Variants in GRIA4 observed in about 807,000 individuals in gnomAD.
The protein encoded by GRIA4 is glutamate receptor 4.
A neutral mutation model predicts 104.0 loss-of-function variants in GRIA4; 34 were observed. The ratio of observed to expected loss-of-function variants is 0.33; its 90% confidence interval spans 0.25 to 0.44. The LOEUF (loss-of-function observed/expected upper bound fraction) is 0.44. GRIA4 is among the 20% of genes least tolerant of loss of function. The pLI is 1.00. For synonymous variants in GRIA4, 386 were observed against 381.9 expected (o/e 1.01, Z -0.13); for missense variants, 750 against 1,096.5 (o/e 0.68, Z 4.46).
At chr11:105,692,254 T>A (rs894105770) in intron 3 of GRIA4, among the ~76,000 whole-genome samples, 3 of 151,852 alleles carry the variant, frequency 2.0e-5, no homozygotes, top group African/African-American at 7.3e-5. Flanking sequence ...CCTCTTTTTT[T>A]TAAAAAAAAA....
At chr11:105,769,918 A>C (rs940345203) in intron 4 of GRIA4, among the ~76,000 whole-genome samples, 2 of 152,056 alleles carry the variant, frequency 1.3e-5, no homozygotes. Flanking sequence ...TTTTTCCCCT[A>C]ATTTAACTTA....
intron 3 of GRIA4, among the ~76,000 whole-genome samples, chr11:105,616,848 T>C (rs1950613299): frequency 6.6e-6 from 1 of 151,712 alleles, no homozygotes; most frequent in South Asian, 2.1e-4. Context: ...TAAGTTGATT[T>C]CAGATAATTC....
chr11:105,956,728 C>T (rs949567615), intron 14 of GRIA4, among the ~76,000 whole-genome samples: 26 of 152,088 alleles, frequency 1.7e-4, no homozygotes, highest in Admixed American at 7.9e-4. Flanking sequence ...CCATCAACAG[C>T]GTAAAAGTGT....
At chr11:105,884,545 G>GT (rs1011594742) in intron 5 of GRIA4, among the ~76,000 whole-genome samples, 1 of 152,258 alleles carries the variant, frequency 6.6e-6, no homozygotes, top group African/African-American at 2.4e-5. Context: ...CAGTACATTT[G>GT]TTTTTTTCCC....
At chr11:105,916,563 T>A (rs1007657654) in intron 10 of GRIA4, among the ~76,000 whole-genome samples, 1 of 152,248 alleles carries the variant, frequency 6.6e-6, no homozygotes, top group African/African-American at 2.4e-5. Flanking sequence ...CCCAGCAAAC[T>A]GACTGGCACA....
intron 3 of GRIA4, among the ~76,000 whole-genome samples, chr11:105,738,057 G>A (rs562084224): frequency 1.4e-4 from 20 of 145,770 alleles, no homozygotes; most frequent in Non-Finnish European, 1.8e-4. Flanking sequence ...CTGCCTGGAT[G>A]CCTCCCTCTC....
Position 105,918,812 on chromosome 11 carries a change from A to C in GRIA4, c.1370A>C (p.His457Pro). 6.2e-7 allele frequency: 1 copy of C among 1,601,222 alleles called. No individual in the cohort carries two copies. The highest frequency in any genetic ancestry group is 8.6e-7 in the Non-Finnish European group (1 of 1,168,638). ...GATTTGGCATCTGAAATTGCAAAAC[A>C]TATTGGTATCAAGTATAAAATTGCC... ...CVDLASEIAK[H>P]IGIKYKIAIV... Residue 457 changes from histidine (H) to proline (P), a missense_variant, in exon 11 of 17, where the codon CAT (histidine) becomes CCT (proline). His to Pro is a moderately conservative substitution (Grantham distance 77). Transcript: ENST00000282499.
intron 4 of GRIA4, among the ~76,000 whole-genome samples, chr11:105,827,106 C>T (rs1306769379): frequency 6.6e-6 from 1 of 151,998 alleles, no homozygotes; most frequent in African/African-American, 2.4e-5. Context: ...TTGTCAAGAA[C>T]TGTGATGGAT....
intron 3 of GRIA4, among the ~76,000 whole-genome samples, chr11:105,635,204 C>A (rs897802847): frequency 6.6e-6 from 1 of 151,766 alleles, no homozygotes; most frequent in Non-Finnish European, 1.5e-5. Context: ...TTTAATTTTC[C>A]TTGGAATACA....
At chr11:105,976,013 G>A (rs1858962736) in intron 16 of GRIA4, among the ~76,000 whole-genome samples, 1 of 151,950 alleles carries the variant, frequency 6.6e-6, no homozygotes, top group African/African-American at 2.4e-5. Flanking sequence ...CTACAAAGTG[G>A]GATAATATCA....
chr11:105,931,127 G>A (rs1947861345), intron 13 of GRIA4, among the ~76,000 whole-genome samples: 1 of 152,082 alleles, frequency 6.6e-6, no homozygotes, highest in African/African-American at 2.4e-5. Context: ...AATGAAGCAT[G>A]GCAACATGGC....
intron 3 of GRIA4, among the ~76,000 whole-genome samples, chr11:105,650,793 A>C (rs1476739888): frequency 6.6e-6 from 1 of 152,156 alleles, no homozygotes; most frequent in Non-Finnish European, 1.5e-5. Flanking sequence ...TTAGACTTTC[A>C]AATGACAAGC....
chr11:105,749,459 A>T (rs957528812), intron 3 of GRIA4, among the ~76,000 whole-genome samples: 2 of 152,164 alleles, frequency 1.3e-5, no homozygotes, highest in Non-Finnish European at 2.9e-5. Flanking sequence ...GGAGAAAGAG[A>T]AGGGCCATAG....
At chr11:105,756,756 CA>C (rs1440616015) in intron 4 of GRIA4, among the ~76,000 whole-genome samples, 1 of 79,244 alleles carries the variant, frequency 1.3e-5, no homozygotes, top group Admixed American at 1.2e-4. Flanking sequence ...TGAAGACTCT[CA>C]GGAAAAAAAA....
chr11:105,658,799 CAA>C (rs929292571), intron 3 of GRIA4, among the ~76,000 whole-genome samples: 7 of 151,672 alleles, frequency 4.6e-5, no homozygotes, highest in Admixed American at 1.3e-4. Flanking sequence ...GAGAAAGTAA[CAA>C]AATATAATGA....
At position 105,611,062 on chromosome 11, in the gene GRIA4, C is replaced by G. The variant is rs1234759665; in HGVS notation, c.65C>G (p.Ala22Gly). Residue 22 changes from alanine to glycine, a missense_variant, in exon 2 of 17, where the codon GCC (alanine) becomes GGC (glycine). Coordinates refer to ENST00000282499, the MANE Select transcript of GRIA4 (RefSeq NM_000829.4). Reference protein sequence around the residue: ...FSGFWGLAMGAFPSSVQIGGL... With the variant: ...FSGFWGLAMGGFPSSVQIGGL... ...GGATTTTGGGGACTCGCCATGGGAGCCTTTCCGAGCAGCGTGCAAATAGGT... is the reference window on the plus strand; with the variant it reads ...GGATTTTGGGGACTCGCCATGGGAGGCTTTCCGAGCAGCGTGCAAATAGGT... 2 of 1,612,998 alleles carry G rather than the reference C, an allele frequency of 1.2e-6. No individual in the cohort carries two copies. The highest frequency in any genetic ancestry group is 1.7e-5 in the Admixed American group (1 of 59,970).
chr11:105,895,249 A>ATGTG (rs1262628303), intron 6 of GRIA4, among the ~76,000 whole-genome samples: 28 of 42,454 alleles, frequency 6.6e-4, no homozygotes, highest in Non-Finnish European at 9.1e-4. Flanking sequence ...CTACGAGCTC[A>ATGTG]TGCGTGTGTG....
chr11:105,796,237 A>G lies in GRIA4; in HGVS notation c.487+43017A>G, dbSNP rs532451545. 1.5e-3 allele frequency among the ~76,000 whole-genome samples: 228 copies of G among 152,240 alleles called. 1 individual carries two copies. The highest frequency in any genetic ancestry group is 0.01 in the Middle Eastern group (3 of 294). On this transcript the variant is annotated intron_variant, in intron 4 of 16. Transcript: ENST00000282499. ...AATCAAATGCAGTACATTTGGCAAG[A>G]CTGTCCAAATGTTTTGCTCTCTCTA...
intron 3 of GRIA4, among the ~76,000 whole-genome samples, chr11:105,626,247 A>G (rs1157312401): frequency 2.6e-5 from 4 of 152,086 alleles, no homozygotes; most frequent in African/African-American, 9.7e-5. Context: ...ACTACATTGG[A>G]TAAAGGAGAG....
Sources: allele counts gnomAD v4.1 joint callset (sites outside exome capture counted in the v4.1 genomes callset), GRCh38; gene constraint gnomAD v4.1.1; transcripts MANE v1.5; gene names NCBI Gene and HGNC (gene_info 2026-07-23, HGNC 2026-07-21).